OGDH: variants seen among roughly 807,000 people sequenced by gnomAD.
The protein encoded by OGDH is 2-oxoglutarate dehydrogenase complex component E1.
OGDH carries 38 observed loss-of-function variants against 116.6 expected under a neutral mutation model. The observed-to-expected ratio is 0.33, with a 90% confidence interval of 0.25 to 0.43. OGDH has a LOEUF of 0.43. Among genes scored for constraint, OGDH ranks in the 20% least tolerant of loss-of-function variants. OGDH has a pLI of 1.00. For missense variants in OGDH, 825 were observed against 1,357.2 expected (o/e 0.61, Z 6.16); for synonymous variants, 488 against 533.3 (o/e 0.92, Z 1.17).
At chr7:44,636,717 G>A (rs1270170426) in intron 2 of OGDH, among the ~76,000 whole-genome samples, 1 of 152,214 alleles carries the variant, frequency 6.6e-6, no homozygotes, top group Non-Finnish European at 1.5e-5. Context: ...CTGAGTTTGT[G>A]GGAGCTTGGG....
intron 4 of OGDH, chr7:44,656,294 A>G (rs1319559733): frequency 3.3e-5 from 51 of 1,535,684 alleles, no homozygotes; most frequent in Non-Finnish European, 4.0e-5. Context: ...GCGCTCACCC[A>G]TGATACCCCA....
intron 20 of OGDH, among the ~76,000 whole-genome samples, chr7:44,703,153 T>C (rs1440041089): frequency 6.6e-6 from 1 of 152,032 alleles, no homozygotes; most frequent in East Asian, 1.9e-4. Flanking sequence ...TGGTGGCTCA[T>C]GCCTATAATC....
intron 10 of OGDH, 107 bp downstream of exon 10, chr7:44,681,955 T>C: frequency 6.9e-7 from 1 of 1,448,876 alleles, no homozygotes; most frequent in East Asian, 2.3e-5. Context: ...AAAATACATC[T>C]GTTATTAAAA....
At chr7:44,621,918 T>TGAA (rs1785026062) in intron 1 of OGDH, among the ~76,000 whole-genome samples, 3 of 152,106 alleles carry the variant, frequency 2.0e-5, no homozygotes, top group Admixed American at 1.3e-4. Context: ...TGGGCAGCAC[T>TGAA]TAACTATGTG....
chr7:44,696,226 C>A, intron 13 of OGDH, 99 bp downstream of exon 13: 2 of 1,052,910 alleles, frequency 1.9e-6, no homozygotes, highest in Non-Finnish European at 2.9e-6. Flanking sequence ...ACTTTGTACC[C>A]ACAATGCACA....
At chr7:44,625,367 C>T (rs541647968) in intron 2 of OGDH, among the ~76,000 whole-genome samples, 1 of 152,320 alleles carries the variant, frequency 6.6e-6, no homozygotes, top group African/African-American at 2.4e-5. Context: ...TCAAGTGATC[C>T]ACCCACCTTG....
intron 10 of OGDH, among the ~76,000 whole-genome samples, chr7:44,685,441 T>TA (rs979752995): frequency 5.3e-5 from 8 of 152,248 alleles, no homozygotes; most frequent in Non-Finnish European, 8.8e-5. Context: ...TAGCATGTGT[T>TA]AGAGTTTCCT....
chr7:44,675,353 C>A, intron 8 of OGDH, 85 bp downstream of exon 8: 1 of 1,109,134 alleles, frequency 9.0e-7, no homozygotes, highest in Non-Finnish European at 1.4e-6. Context: ...GAATGACTTA[C>A]GGGGGGTTGG....
At chr7:44,702,521 T>A (rs1162346463) in intron 20 of OGDH, among the ~76,000 whole-genome samples, 1 of 152,224 alleles carries the variant, frequency 6.6e-6, no homozygotes, top group Non-Finnish European at 1.5e-5. Flanking sequence ...CCTTTAGTCT[T>A]CAATCAAGGT....
chr7:44,634,018 G>A (rs1373126598), intron 2 of OGDH, among the ~76,000 whole-genome samples: 1 of 152,132 alleles, frequency 6.6e-6, no homozygotes, highest in African/African-American at 2.4e-5. Flanking sequence ...TCAAAACTTG[G>A]CACCAGTGTA....
At chr7:44,665,022 C>T (rs961154252) in intron 4 of OGDH, among the ~76,000 whole-genome samples, 1 of 152,218 alleles carries the variant, frequency 6.6e-6, no homozygotes, top group Non-Finnish European at 1.5e-5. Context: ...TATTTCCCAA[C>T]AAAATGTGCA....
intron 4 of OGDH, among the ~76,000 whole-genome samples, chr7:44,649,245 G>GTTTTTTT (rs373846462): frequency 2.0e-5 from 2 of 97,712 alleles, no homozygotes; most frequent in Non-Finnish European, 3.9e-5. Flanking sequence ...ATTTTCTGTT[G>GTTTTTTT]TTTTTTTTTT....
chr7:44,688,143 G>A lies in OGDH; in HGVS notation c.1336-5682G>A, dbSNP rs907875323. On this transcript the variant is annotated intron_variant, in intron 10 of 22. Transcript: ENST00000222673. ...CCCAGCACTTTGGGAGGCCGAGGCA[G>A]GTGGATCATCTGAGGTCAGGAGTTC... 2.0e-5 allele frequency among the ~76,000 whole-genome samples: 3 copies of A among 152,200 alleles called. No individual in the cohort carries two copies. In the East Asian group the frequency reaches 5.8e-4, roughly 30 times the overall value.
intron 9 of OGDH, 22 bp from the exon 10 acceptor site, chr7:44,681,698 G>A (rs1207535190): frequency 1.9e-6 from 3 of 1,604,996 alleles, no homozygotes; most frequent in Non-Finnish European, 2.6e-6. Context: ...TCTGGATTTG[G>A]GGTCTCCTTT....
intron 1 of OGDH, among the ~76,000 whole-genome samples, chr7:44,610,626 T>TTGTTTGAGA (rs1784526200): frequency 6.8e-6 from 1 of 147,250 alleles, no homozygotes; most frequent in African/African-American, 2.5e-5. Context: ...GTTTGTTTGT[T>TTGTTTGAGA]TGTTTGAGAC....
chr7:44,694,390 C>G lies in OGDH; in HGVS notation c.1516-34C>G. 6.2e-7 allele frequency: 1 copy of G among 1,610,912 alleles called. No individual in the cohort carries two copies. The highest frequency in any genetic ancestry group is 8.5e-7 in the Non-Finnish European group (1 of 1,178,556). On this transcript the variant is annotated intron_variant, in intron 11 of 22. Transcript: ENST00000222673. The surrounding 1 kb of genome is among the most constrained non-coding windows in gnomAD (Gnocchi z 4.2). ...AGCACTTCTTCCCAAGGGGCCAGCC[C>G]TTGTCTCTGACATCCTCTCACTGCT...
intron 20 of OGDH, among the ~76,000 whole-genome samples, chr7:44,704,837 A>G (rs1298564111): frequency 6.6e-6 from 1 of 151,520 alleles, no homozygotes. Flanking sequence ...CAGCCTCCCA[A>G]GTAGCTGGGA....
intron 4 of OGDH, chr7:44,656,207 C>A: frequency 9.8e-7 from 1 of 1,016,948 alleles, no homozygotes; most frequent in Non-Finnish European, 1.5e-6. Context: ...TCTGTGCTAC[C>A]TGTTACTGTG....
chr7:44,658,834 T>TATG (rs1185864337), intron 4 of OGDH, among the ~76,000 whole-genome samples: 1 of 152,102 alleles, frequency 6.6e-6, no homozygotes, highest in African/African-American at 2.4e-5. Flanking sequence ...TGTGATTTAT[T>TATG]ATTATTATTA....
Sources: allele counts gnomAD v4.1 joint callset (sites outside exome capture counted in the v4.1 genomes callset), GRCh38; gene constraint gnomAD v4.1.1; non-coding constraint Gnocchi (gnomAD v3.1); transcripts MANE v1.5; gene names NCBI Gene and HGNC (gene_info 2026-07-23, HGNC 2026-07-21).